The following MATCAP2 variants were observed in gnomAD, a reference collection of about 807,000 sequenced individuals.
MATCAP2 encodes the protein microtubule associated tyrosine carboxypeptidase 2.
chr7:36,372,682 A>C, the MATCAP2 span, among the ~76,000 whole-genome samples: 1 of 152,188 alleles, frequency 6.6e-6, no homozygotes, highest in Non-Finnish European at 1.5e-5. Context: ...TATTTTGGAG[A>C]AACCAAGATG....
At chr7:36,328,502 G>T in the MATCAP2 span, among the ~76,000 whole-genome samples, 1 of 152,204 alleles carries the variant, frequency 6.6e-6, no homozygotes, top group East Asian at 1.9e-4. Flanking sequence ...CCAGCACTTT[G>T]GGAGGCTGAG....
At chr7:36,374,096 T>C in the MATCAP2 span, among the ~76,000 whole-genome samples, 6 of 152,050 alleles carry the variant, frequency 3.9e-5, no homozygotes, top group Non-Finnish European at 7.4e-5. Context: ...ATATATGTTT[T>C]TGAGACACAG....
chr7:36,328,249 G>T, the MATCAP2 span, among the ~76,000 whole-genome samples: 19 of 116,610 alleles, frequency 1.6e-4, 3 homozygotes, highest in African/African-American at 5.3e-4. Flanking sequence ...TAGGGGGGGG[G>T]GGTCTTGCTA....
the MATCAP2 span, among the ~76,000 whole-genome samples, chr7:36,363,796 G>T: frequency 6.6e-6 from 1 of 152,174 alleles, no homozygotes; most frequent in Non-Finnish European, 1.5e-5. Context: ...TTATTGTAAG[G>T]ATTTTAAAAG....
At chr7:36,364,911 A>G in the MATCAP2 span, among the ~76,000 whole-genome samples, 1 of 152,218 alleles carries the variant, frequency 6.6e-6, no homozygotes, top group East Asian at 1.9e-4. Context: ...CATGGTCTCA[A>G]ATGGCTATTT....
At chr7:36,343,343 A>C in the MATCAP2 span, among the ~76,000 whole-genome samples, 7 of 97,614 alleles carry the variant, frequency 7.2e-5, no homozygotes, top group Non-Finnish European at 1.2e-4. Context: ...AGGAGAGGAG[A>C]GGGGAGCAGA....
chr7:36,356,820 T>A, the MATCAP2 span: 1 of 1,149,914 alleles, frequency 8.7e-7, no homozygotes, highest in Non-Finnish European at 1.3e-6. Context: ...TATTTTTAAA[T>A]GTCTTTGTTT....
the MATCAP2 span, among the ~76,000 whole-genome samples, chr7:36,382,866 TA>T: frequency 6.6e-6 from 1 of 152,222 alleles, no homozygotes; most frequent in Non-Finnish European, 1.5e-5. Context: ...GATAAGTACA[TA>T]AAATAATTCT....
chr7:36,390,030 G>A, the MATCAP2 span: 1 of 1,614,056 alleles, frequency 6.2e-7, no homozygotes, highest in Non-Finnish European at 8.5e-7. Flanking sequence ...TGGGGCGATG[G>A]ATCCGTTTAC....
chr7:36,379,042 C>A, the MATCAP2 span, among the ~76,000 whole-genome samples: 1 of 152,234 alleles, frequency 6.6e-6, no homozygotes, highest in Non-Finnish European at 1.5e-5. Context: ...ATCCCCTGAC[C>A]CCTTGCACTT....
At chr7:36,325,118 C>T in the MATCAP2 span, 3 of 152,216 alleles carry the variant, frequency 2.0e-5, no homozygotes, top group Non-Finnish European at 2.9e-5. Flanking sequence ...TGAGAAAGTG[C>T]ACAACTCTGC....
At chr7:36,364,175 G>T in the MATCAP2 span, among the ~76,000 whole-genome samples, 1 of 150,572 alleles carries the variant, frequency 6.6e-6, no homozygotes, top group South Asian at 2.1e-4. Flanking sequence ...AACCTCTGCC[G>T]CCTGGGCGCT....
At chr7:36,324,977 T>C in the MATCAP2 span, 2 of 152,258 alleles carry the variant, frequency 1.3e-5, no homozygotes, top group Non-Finnish European at 2.9e-5. Flanking sequence ...CCTGTGAAAG[T>C]TGAATTTATA....
chr7:36,371,586 A>C, the MATCAP2 span, among the ~76,000 whole-genome samples: 1 of 152,170 alleles, frequency 6.6e-6, no homozygotes, highest in African/African-American at 2.4e-5. Flanking sequence ...TTTTGAAAAA[A>C]AGATCAACAT....
chr7:36,350,010 G>A, the MATCAP2 span, among the ~76,000 whole-genome samples: 6 of 152,188 alleles, frequency 3.9e-5, no homozygotes, highest in African/African-American at 9.7e-5. Flanking sequence ...GTGTATCTGT[G>A]AAAGGTTTGT....
chr7:36,361,841 T>G, the MATCAP2 span, among the ~76,000 whole-genome samples: 5 of 152,202 alleles, frequency 3.3e-5, no homozygotes, highest in African/African-American at 1.2e-4. Flanking sequence ...AAAAGAAAAC[T>G]GACGTTGTAA....
chr7:36,388,729 A>G, the MATCAP2 span, among the ~76,000 whole-genome samples: 2 of 152,222 alleles, frequency 1.3e-5, no homozygotes, highest in African/African-American at 4.8e-5. Flanking sequence ...TGAGCTGAGA[A>G]CAGGGTTTTC....
At chr7:36,366,089 C>G in the MATCAP2 span, among the ~76,000 whole-genome samples, 1 of 152,212 alleles carries the variant, frequency 6.6e-6, no homozygotes, top group South Asian at 2.1e-4. Flanking sequence ...CTGCATTGCT[C>G]TAAAATGTAA....
At chr7:36,332,881 C>T in the MATCAP2 span, among the ~76,000 whole-genome samples, 2 of 152,074 alleles carry the variant, frequency 1.3e-5, no homozygotes, top group Non-Finnish European at 2.9e-5. Context: ...GAGCTGAGAT[C>T]GCACCATTGT....
Sources: allele counts gnomAD v4.1 joint callset (sites outside exome capture counted in the v4.1 genomes callset), GRCh38; gene constraint gnomAD v4.1.1; transcripts MANE v1.5; gene names NCBI Gene and HGNC (gene_info 2026-07-23, HGNC 2026-07-21).